Variants in FSD2 observed in about 807,000 individuals in gnomAD.
The protein encoded by FSD2 is fibronectin type III and SPRY domain containing 2.
FSD2 carries 71 observed loss-of-function variants against 80.4 expected under a neutral mutation model. The observed-to-expected ratio is 0.88, with a 90% confidence interval of 0.73 to 1.08. The LOEUF (loss-of-function observed/expected upper bound fraction) is 1.08. FSD2 is among the 50% of genes least tolerant of loss of function. The pLI, the probability that FSD2 is intolerant of heterozygous loss-of-function variation, is 0.00. For missense variants in FSD2, 923 were observed against 913.8 expected, an observed-to-expected ratio of 1.01 and a Z score of -0.13; for synonymous variants, 361 against 329.5, an observed-to-expected ratio of 1.10 and a Z score of -1.03.
At chr15:82,778,660 A>C in intron 6 of FSD2, 106 bp downstream of exon 6, 4 of 1,292,964 alleles carry the variant, frequency 3.1e-6, no homozygotes, top group Non-Finnish European at 4.2e-6. Flanking sequence ...TGTACACTTT[A>C]AAATTTGTTA....
chr15:82,799,303 C>T (rs757037524), intron 1 of FSD2, among the ~76,000 whole-genome samples: 33 of 152,136 alleles, frequency 2.2e-4, no homozygotes, highest in Non-Finnish European at 4.1e-4. Context: ...TTCTGTGTCC[C>T]CCGGCTCAGC....
intron 9 of FSD2, 36 bp downstream of exon 9, chr15:82,768,844 G>T (rs1384711472): frequency 1.4e-6 from 2 of 1,428,230 alleles, no homozygotes; most frequent in Non-Finnish European, 1.8e-6. Context: ...TCAGGTGTCA[G>T]GGCTCTCGTG....
rs200738502 is a variant in FSD2 at position 82,762,939 on chromosome 15, C to T, written c.1821-661G>A. ...AATATTCTACCTTCTTCAGGAGACT[C>T]CTACATTAACCAAAATATATATAGA... is the stretch of plus-strand genomic sequence containing the variant. On this transcript the variant is annotated intron_variant, in intron 11 of 12. Transcript: ENST00000334574. Among the ~76,000 whole-genome samples the T allele has an allele frequency of 2.3e-3, 347 of 152,336 alleles. 2 individuals are homozygous for T. Among genetic ancestry groups the T allele is most frequent in the Non-Finnish European group, 4.1e-3 (279 of 68,040 alleles).
chr15:82,804,326 C>G (rs2050481006), intron 1 of FSD2, among the ~76,000 whole-genome samples: 1 of 152,082 alleles, frequency 6.6e-6, no homozygotes, highest in Admixed American at 6.5e-5. Context: ...TGGAGAGCAT[C>G]TAATTCAATT....
intron 3 of FSD2, among the ~76,000 whole-genome samples, chr15:82,784,725 G>A (rs1260002269): frequency 6.6e-6 from 1 of 152,122 alleles, no homozygotes; most frequent in Non-Finnish European, 1.5e-5. Flanking sequence ...ATGGGCCTGG[G>A]GCTTCGTTGA....
At chr15:82,779,680 AG>A (rs1377088368) in intron 5 of FSD2, among the ~76,000 whole-genome samples, 1 of 151,882 alleles carries the variant, frequency 6.6e-6, no homozygotes, top group Non-Finnish European at 1.5e-5. Context: ...AAAAAAAAAA[AG>A]AATTTGAAAC....
Position 82,786,840 on chromosome 15 carries a change from T to C in FSD2, c.551A>G (p.Lys184Arg), listed in dbSNP as rs2050011378. 1.9e-6 allele frequency: 3 copies of C among 1,613,894 alleles called. No individual in the cohort carries two copies. Among genetic ancestry groups the C allele is most frequent in the Non-Finnish European group, 2.5e-6 (3 of 1,179,902 alleles). ...EAADVFCVTC[K>R]TPIRAFQKVF... ...CTTCTGAAAAGCTCTTATTGGAGTC[T>C]TACAAGTGACACAGAAGACATCAGC... Residue 184 changes from lysine (K) to arginine (R), a missense_variant, in exon 2 of 13, where the codon AAG (lysine) becomes AGG (arginine). By Grantham distance (26) the Lys-to-Arg change is conservative. Transcript: ENST00000334574.
At chr15:82,768,512 G>T (rs367864724) in intron 9 of FSD2, among the ~76,000 whole-genome samples, 2 of 152,164 alleles carry the variant, frequency 1.3e-5, no homozygotes, top group African/African-American at 4.8e-5. Flanking sequence ...CAGACTGTCA[G>T]CCCCATTAGG....
chr15:82,799,051 T>C (rs1346175472), intron 1 of FSD2, among the ~76,000 whole-genome samples: 2 of 151,958 alleles, frequency 1.3e-5, no homozygotes, highest in African/African-American at 4.8e-5. Flanking sequence ...CTAATTTTTG[T>C]AATTTTTGTA....
At chr15:82,793,970 T>G (rs1019946318) in intron 1 of FSD2, among the ~76,000 whole-genome samples, 1 of 152,042 alleles carries the variant, frequency 6.6e-6, no homozygotes, top group Non-Finnish European at 1.5e-5. Context: ...TAATTTTCCC[T>G]ATTGTTTTTC....
chr15:82,800,600 G>A (rs1282024715), intron 1 of FSD2, among the ~76,000 whole-genome samples: 2 of 146,304 alleles, frequency 1.4e-5, no homozygotes, highest in East Asian at 2.1e-4. Flanking sequence ...GCTGAGGCAT[G>A]AGAATCGCTT....
rs902112171 is a variant in FSD2 at position 82,755,628 on chromosome 15, G to A, written c.*3720C>T. On this transcript the variant is annotated 3_prime_UTR_variant, in exon 13 of 13. Transcript: ENST00000334574. ...AACAAGCAGTAAAGTAGTCAGACAT[G>A]ATATACTTGACAAGAACCACCACCT... The A allele has an allele frequency of 1.3e-5, 2 of 148,992 alleles. No individual in the cohort carries two copies. Among genetic ancestry groups the A allele is most frequent in the Non-Finnish European group, 3.0e-5 (2 of 67,556 alleles). The allele number at this position is 148,992 out of a possible 1,614,324, so 9.2% of individuals were successfully genotyped here. A position where few individuals can be genotyped will look rare whatever the true frequency, so the allele number is the denominator to read the frequency against.
intron 7 of FSD2, 27 bp downstream of exon 7, chr15:82,772,046 A>C: frequency 1.3e-6 from 2 of 1,525,642 alleles, no homozygotes; most frequent in Non-Finnish European, 1.7e-6. Flanking sequence ...TCCCATGAGC[A>C]CGGGCATGTT....
chr15:82,780,179 G>T, intron 5 of FSD2, 66 bp downstream of exon 5: 2 of 1,092,732 alleles, frequency 1.8e-6, no homozygotes, highest in Non-Finnish European at 2.6e-6. Context: ...ATGGAACTGA[G>T]TCTATTTGGA....
At chr15:82,792,209 C>T (rs2050169278) in intron 1 of FSD2, among the ~76,000 whole-genome samples, 1 of 152,188 alleles carries the variant, frequency 6.6e-6, no homozygotes, top group Non-Finnish European at 1.5e-5. Context: ...TCCAAATTGT[C>T]TACACCATTT....
intron 1 of FSD2, among the ~76,000 whole-genome samples, chr15:82,791,910 T>C (rs756567235): frequency 6.6e-6 from 1 of 152,258 alleles, no homozygotes; most frequent in Non-Finnish European, 1.5e-5. Flanking sequence ...CATGTATCAG[T>C]ATTTCATTCC....
At chr15:82,765,067 C>A in intron 11 of FSD2, 99 bp downstream of exon 11, 1 of 1,363,266 alleles carries the variant, frequency 7.3e-7, no homozygotes, top group Non-Finnish European at 9.8e-7. Flanking sequence ...GATTCCTTTT[C>A]CCTCGAGGCT....
chr15:82,762,454 C>G (rs1277454392), intron 11 of FSD2, among the ~76,000 whole-genome samples, 176 bp from the exon 12 acceptor site: 1 of 152,102 alleles, frequency 6.6e-6, no homozygotes, highest in Non-Finnish European at 1.5e-5. Flanking sequence ...TGGGCTGATA[C>G]TGAAGATTTG....
chr15:82,765,070 T>C, intron 11 of FSD2, 96 bp downstream of exon 11: 1 of 1,387,116 alleles, frequency 7.2e-7, no homozygotes, highest in Non-Finnish European at 9.6e-7. Context: ...TCCTTTTCCC[T>C]CGAGGCTGCC....
Sources: gnomAD v4.1 joint callset for allele counts (sites outside exome capture counted in the v4.1 genomes callset) on GRCh38, gnomAD v4.1.1 for gene constraint, MANE v1.5 for transcripts, NCBI Gene and HGNC (gene_info 2026-07-23, HGNC 2026-07-21) for gene names.